The following PARD3B variants were observed in gnomAD, a reference collection of about 807,000 sequenced individuals.
PARD3B encodes par-3 family cell polarity regulator beta.
A neutral mutation model predicts 130.2 loss-of-function variants in PARD3B; 103 were observed. The observed-to-expected ratio is 0.79, with a 90% confidence interval of 0.67 to 0.93. PARD3B has a LOEUF of 0.93. Ranked by LOEUF, PARD3B falls within the 40% of genes least tolerant of loss-of-function variation. PARD3B has a pLI of 0.00. For missense variants in PARD3B, 1,609 were observed against 1,499.2 expected (o/e 1.07, Z -1.21); for synonymous variants, 583 against 553.2 (o/e 1.05, Z -0.76).
intron 2 of PARD3B, among the ~76,000 whole-genome samples, chr2:204,793,497 T>C (rs919071161): frequency 2.0e-4 from 31 of 152,118 alleles, no homozygotes; most frequent in Non-Finnish European, 1.2e-4. Context: ...TCACTTATCA[T>C]TGACCTTTTT....
intron 10 of PARD3B, among the ~76,000 whole-genome samples, chr2:205,130,614 C>T (rs539536114): frequency 1.3e-5 from 2 of 152,254 alleles, no homozygotes; most frequent in East Asian, 3.9e-4. Context: ...TTTAACGTTT[C>T]ATTTTCTGAC....
At chr2:205,289,332 C>T (rs1446064528) in intron 16 of PARD3B, among the ~76,000 whole-genome samples, 1 of 152,052 alleles carries the variant, frequency 6.6e-6, no homozygotes, top group African/African-American at 2.4e-5. Context: ...TATAGAGAAT[C>T]CTCCTAATGG....
At chr2:204,581,518 G>T (rs992448355) in intron 1 of PARD3B, among the ~76,000 whole-genome samples, 2 of 151,900 alleles carry the variant, frequency 1.3e-5, no homozygotes, top group Non-Finnish European at 2.9e-5. Flanking sequence ...GGTATAAAAA[G>T]AATTCTGACA....
intron 10 of PARD3B, among the ~76,000 whole-genome samples, chr2:205,156,543 T>TA (rs10694645): frequency 0.72 from 106,294 of 147,606 alleles, 38,297 homozygotes; most frequent in Admixed American, 0.79. Flanking sequence ...GAGGAAAAGA[T>TA]AAAAAAAAAA....
At chr2:205,354,124 G>A (rs2044099912) in intron 18 of PARD3B, among the ~76,000 whole-genome samples, 3 of 140,388 alleles carry the variant, frequency 2.1e-5, no homozygotes, top group Admixed American at 8.1e-5. Context: ...CTGCAGCCTC[G>A]ACCTCCTGGG....
In PARD3B at chr2:205,142,911, A is replaced by AATAAATAAATAC. The variant is rs71032447; in HGVS notation, c.1435-15811_1435-15810insATAAATAAATAC. On this transcript the variant is annotated intron_variant, in intron 10 of 22. Transcript: ENST00000406610. This position sits in a 1 kb window ranked among gnomAD's most constrained non-coding sequence, Gnocchi z 4.3. ...AAATAAATAAATAAATAAATAAATA[A>AATAAATAAATAC]GATAGGCAAGCTGGCAAATAATTGT... Among the ~76,000 whole-genome samples, 1 of 151,410 alleles carries AATAAATAAATAC rather than the reference A, an allele frequency of 6.6e-6. No individual in the cohort carries two copies. The highest frequency in any genetic ancestry group is 2.4e-5 in the African/African-American group (1 of 41,212).
chr2:205,320,323 C>T (rs1408393065), intron 18 of PARD3B, among the ~76,000 whole-genome samples: 1 of 152,122 alleles, frequency 6.6e-6, no homozygotes, highest in Non-Finnish European at 1.5e-5. Context: ...TCCTTGAACA[C>T]TACCTTGATC....
intron 3 of PARD3B, among the ~76,000 whole-genome samples, chr2:204,990,784 CTT>C (rs1384393928): frequency 6.6e-6 from 1 of 152,130 alleles, no homozygotes; most frequent in African/African-American, 2.4e-5. Flanking sequence ...TTTAAGAAAT[CTT>C]TCCCTACCTA....
intron 21 of PARD3B, among the ~76,000 whole-genome samples, chr2:205,514,619 TAC>T (rs1272129760): frequency 1.3e-4 from 19 of 145,322 alleles, no homozygotes; most frequent in Non-Finnish European, 2.8e-4. Context: ...TAAAGATAGA[TAC>T]AGACACAATT....
At chr2:204,971,949 C>G (rs896918901) in intron 3 of PARD3B, among the ~76,000 whole-genome samples, 2 of 151,494 alleles carry the variant, frequency 1.3e-5, no homozygotes, top group African/African-American at 4.9e-5. Flanking sequence ...AGCCACCACG[C>G]CTTGGCTGTT....
At chr2:205,499,715 G>A (rs2050085885) in intron 20 of PARD3B, among the ~76,000 whole-genome samples, 181 bp from the exon 21 acceptor site, 1 of 152,146 alleles carries the variant, frequency 6.6e-6, no homozygotes, top group African/African-American at 2.4e-5. Flanking sequence ...ACTAAAGGTA[G>A]GCACGTAAAG....
rs1304751397 is a variant in PARD3B at position 204,907,213 on chromosome 2, C to T, written c.223-57939C>T. ...TCCAGGATGGTCTTGATCTTCTGAC[C>T]TTGTTATCCACCCACCTCGGCCTCC... On this transcript the variant is annotated intron_variant, in intron 2 of 22. Coordinates refer to ENST00000406610, the MANE Select transcript of PARD3B (RefSeq NM_001302769.2). This position sits in a 1 kb window ranked among gnomAD's most constrained non-coding sequence, Gnocchi z 5.7. Among the ~76,000 whole-genome samples, 1 of 152,164 alleles carries T rather than the reference C, an allele frequency of 6.6e-6. No individual in the cohort carries two copies. Among genetic ancestry groups the T allele is most frequent in the African/African-American group, 2.4e-5 (1 of 41,508 alleles).
Position 205,034,810 on chromosome 2 carries a change from G to A in PARD3B, c.395-12771G>A, listed in dbSNP as rs569774102. 1.8e-4 allele frequency among the ~76,000 whole-genome samples: 27 copies of A among 151,974 alleles called. No homozygotes were observed. In the South Asian group the frequency reaches 2.7e-3, roughly 15 times the overall value. On this transcript the variant is annotated intron_variant, in intron 3 of 22. Coordinates refer to ENST00000406610, the MANE Select transcript of PARD3B (RefSeq NM_001302769.2). ...ATATATTAACACATGAAAATATCTC[G>A]ATATTATACTTTTTTCTCTATAATT...
intron 19 of PARD3B, among the ~76,000 whole-genome samples, chr2:205,404,484 A>G (rs1188438089): frequency 6.6e-6 from 1 of 152,216 alleles, no homozygotes; most frequent in East Asian, 1.9e-4. Context: ...TGAACACTTG[A>G]TATCCAAAAC....
At chr2:204,668,459 A>G (rs1046761303) in intron 1 of PARD3B, among the ~76,000 whole-genome samples, 7 of 152,194 alleles carry the variant, frequency 4.6e-5, no homozygotes, top group African/African-American at 1.4e-4. Context: ...ATTCTCCAGA[A>G]TGTCAGGCCC....
intron 15 of PARD3B, among the ~76,000 whole-genome samples, chr2:205,224,778 A>G (rs2125880631): frequency 6.6e-6 from 1 of 152,070 alleles, no homozygotes; most frequent in Non-Finnish European, 1.5e-5. Flanking sequence ...GCTGAATAGT[A>G]CCTGATTTTT....
At chr2:205,390,724 TA>T (rs112781376) in intron 18 of PARD3B, among the ~76,000 whole-genome samples, 4,859 of 147,326 alleles carry the variant, frequency 0.033, 240 homozygotes, top group African/African-American at 0.11. Flanking sequence ...AAGGTAATTA[TA>T]AAAAAAAAAA....
At chr2:205,372,573 G>A (rs943388633) in intron 18 of PARD3B, among the ~76,000 whole-genome samples, 2 of 152,158 alleles carry the variant, frequency 1.3e-5, no homozygotes, top group Non-Finnish European at 2.9e-5. Flanking sequence ...GAGAAATGTA[G>A]AGAAAAATGA....
At chr2:205,383,305 G>T (rs552658769) in intron 18 of PARD3B, among the ~76,000 whole-genome samples, 1 of 151,972 alleles carries the variant, frequency 6.6e-6, no homozygotes, top group Non-Finnish European at 1.5e-5. Context: ...TTCTCATGCA[G>T]TAAGAAAGCT....
Sources: gnomAD v4.1 joint callset for allele counts (sites outside exome capture counted in the v4.1 genomes callset) on GRCh38, gnomAD v4.1.1 for gene constraint, Gnocchi (gnomAD v3.1) non-coding constraint, MANE v1.5 for transcripts, NCBI Gene and HGNC (gene_info 2026-07-23, HGNC 2026-07-21) for gene names.